Variants in EXOC4 observed in about 807,000 individuals in gnomAD.
The protein encoded by EXOC4 is exocyst complex component 4.
A neutral mutation model predicts 107.2 loss-of-function variants in EXOC4; 71 were observed. That is an observed-to-expected ratio of 0.66 (90% confidence interval 0.55 to 0.81). EXOC4 has a LOEUF of 0.81. Ranked by LOEUF, EXOC4 falls within the 30% of genes least tolerant of loss-of-function variation. The pLI is 0.00. For synonymous variants in EXOC4, 456 were observed against 441.2 expected, an observed-to-expected ratio of 1.03 and a Z score of -0.42; for missense variants, 1,108 against 1,189.6, an observed-to-expected ratio of 0.93 and a Z score of 1.01.
chr7:133,696,864 A>G (rs555699385), intron 10 of EXOC4, among the ~76,000 whole-genome samples: 1 of 152,328 alleles, frequency 6.6e-6, no homozygotes, highest in South Asian at 2.1e-4. Context: ...TTGTCCCTGG[A>G]ACATTATTAG....
chr7:133,272,795 A>C (rs1793903346), intron 1 of EXOC4, among the ~76,000 whole-genome samples: 1 of 152,146 alleles, frequency 6.6e-6, no homozygotes, highest in East Asian at 1.9e-4. Context: ...TTTCCTCTCT[A>C]ATCTTCATTT....
chr7:134,076,511 C>G, the EXOC4 span, among the ~76,000 whole-genome samples: 1 of 151,664 alleles, frequency 6.6e-6, no homozygotes, highest in African/African-American at 2.4e-5. Flanking sequence ...GAGCGAGACT[C>G]TGTCTCAAAA....
chr7:133,921,281 C>G (rs1799929655), intron 13 of EXOC4, among the ~76,000 whole-genome samples: 3 of 152,184 alleles, frequency 2.0e-5, no homozygotes, highest in Admixed American at 1.3e-4. Context: ...CTGTTCTATT[C>G]AGGCCCTCAA....
At chr7:134,086,770 G>A in the EXOC4 span, among the ~76,000 whole-genome samples, 2 of 152,132 alleles carry the variant, frequency 1.3e-5, no homozygotes, top group East Asian at 1.9e-4. Flanking sequence ...ATAAAAGAAT[G>A]GCTACTCCAT....
At chr7:133,436,047 T>TG (rs888289889) in intron 7 of EXOC4, among the ~76,000 whole-genome samples, 9 of 65,608 alleles carry the variant, frequency 1.4e-4, no homozygotes, top group African/African-American at 2.5e-4. Context: ...ATTATCTCAG[T>TG]GTTTTTTTTT....
At chr7:133,624,191 A>G (rs1003338) in intron 9 of EXOC4, among the ~76,000 whole-genome samples, 150,416 of 152,316 alleles carry the variant, frequency 0.99, 74,303 homozygotes, top group Middle Eastern at 1. Context: ...GGGGCATGCC[A>G]CTTCCTATGG....
intron 10 of EXOC4, among the ~76,000 whole-genome samples, chr7:133,668,245 A>C (rs1327657287): frequency 1.3e-5 from 2 of 152,250 alleles, no homozygotes; most frequent in African/African-American, 4.8e-5. Context: ...TATTTTTCTC[A>C]TAAATGTGTT....
chr7:133,421,207 T>C (rs1296786779), intron 7 of EXOC4, among the ~76,000 whole-genome samples: 9 of 152,154 alleles, frequency 5.9e-5, no homozygotes, highest in African/African-American at 1.9e-4. Context: ...TATAATGTTG[T>C]GGTGGACTTG....
chr7:133,560,716 C>T (rs1368487029), intron 9 of EXOC4, among the ~76,000 whole-genome samples: 1 of 152,062 alleles, frequency 6.6e-6, no homozygotes, highest in Non-Finnish European at 1.5e-5. Context: ...TTAAATAAAA[C>T]TTCATTGAAT....
chr7:133,269,339 A>G (rs1358696893), intron 1 of EXOC4, among the ~76,000 whole-genome samples: 1 of 152,190 alleles, frequency 6.6e-6, no homozygotes, highest in African/African-American at 2.4e-5. Context: ...AGTCAAATAT[A>G]CTTAGCTTTA....
At chr7:133,427,786 G>T (rs907180378) in intron 7 of EXOC4, among the ~76,000 whole-genome samples, 1 of 152,214 alleles carries the variant, frequency 6.6e-6, no homozygotes, top group African/African-American at 2.4e-5. Flanking sequence ...GGGTAAGGGG[G>T]TGGTACCACA....
intron 14 of EXOC4, among the ~76,000 whole-genome samples, chr7:133,981,345 T>A (rs1327319089): frequency 1.3e-5 from 2 of 152,240 alleles, no homozygotes; most frequent in African/African-American, 4.8e-5. Context: ...ATAAAGCTAG[T>A]GTCATTGTTT....
chr7:133,779,712 G>A (rs768433011), intron 10 of EXOC4, among the ~76,000 whole-genome samples: 3 of 152,250 alleles, frequency 2.0e-5, no homozygotes, highest in South Asian at 2.1e-4. Flanking sequence ...ACCAATCAGC[G>A]CTCTGTAGCT....
At chr7:133,494,453 TAAAAG>T (rs1408055311) in intron 9 of EXOC4, among the ~76,000 whole-genome samples, 1 of 152,238 alleles carries the variant, frequency 6.6e-6, no homozygotes, top group East Asian at 1.9e-4. Flanking sequence ...AGAGGACTGA[TAAAAG>T]CAAGGCAATT....
At chr7:134,082,080 G>T in the EXOC4 span, among the ~76,000 whole-genome samples, 4 of 152,174 alleles carry the variant, frequency 2.6e-5, no homozygotes, top group African/African-American at 9.7e-5. Flanking sequence ...GAATTCAGGG[G>T]AGTCCATAAA....
chr7:133,659,085 G>A (rs1166688461), intron 10 of EXOC4, among the ~76,000 whole-genome samples: 3 of 135,926 alleles, frequency 2.2e-5, no homozygotes, highest in African/African-American at 8.2e-5. Context: ...AGTAGCTGTG[G>A]TATCTCCTCT....
At chr7:133,504,140 C>T (rs747219083) in intron 9 of EXOC4, among the ~76,000 whole-genome samples, 129 of 152,088 alleles carry the variant, frequency 8.5e-4, no homozygotes, top group Non-Finnish European at 1.5e-3. Context: ...AAATGATATC[C>T]TTTTGTAATA....
At chr7:133,819,168 C>G (rs1369804930) in intron 11 of EXOC4, among the ~76,000 whole-genome samples, 3 of 152,270 alleles carry the variant, frequency 2.0e-5, no homozygotes, top group East Asian at 1.9e-4. Flanking sequence ...TCTGCTGTTA[C>G]AACCTCTGGA....
chr7:133,410,342 G>T (rs764610115), intron 7 of EXOC4, among the ~76,000 whole-genome samples: 2 of 152,142 alleles, frequency 1.3e-5, no homozygotes, highest in African/African-American at 4.8e-5. Context: ...TTTGTGCAGG[G>T]TTATCAAATG....
Sources: gnomAD v4.1 joint callset for allele counts (sites outside exome capture counted in the v4.1 genomes callset) on GRCh38, gnomAD v4.1.1 for gene constraint, MANE v1.5 for transcripts, NCBI Gene and HGNC (gene_info 2026-07-23, HGNC 2026-07-21) for gene names.